Variants in DLG2 observed in about 807,000 individuals in gnomAD.
DLG2 encodes the protein disks large homolog 2.
In DLG2, 45 loss-of-function variants were observed where a neutral mutation model predicts 132.5. The ratio of observed to expected loss-of-function variants is 0.34; its 90% CI spans 0.27 to 0.44. The LOEUF (loss-of-function observed/expected upper bound fraction) is 0.44, where lower values mean the gene tolerates loss of function less well. Among genes scored for constraint, DLG2 ranks in the 20% least tolerant of loss-of-function variants. The pLI, the probability that DLG2 is intolerant of heterozygous loss-of-function variation, is 1.00. For synonymous variants in DLG2, 424 were observed against 419.6 expected, an observed-to-expected ratio of 1.01 and a Z score of -0.13; for missense variants, 1,045 against 1,196.9, an observed-to-expected ratio of 0.87 and a Z score of 1.87.
At chr11:84,483,712 T>C (rs1029727695) in intron 7 of DLG2, among the ~76,000 whole-genome samples, 5 of 152,166 alleles carry the variant, frequency 3.3e-5, no homozygotes, top group Non-Finnish European at 7.4e-5. Context: ...TACTTTTGAA[T>C]TGCAAAATGA....
intron 17 of DLG2, among the ~76,000 whole-genome samples, chr11:83,808,861 T>G (rs2046574234): frequency 6.6e-6 from 1 of 152,006 alleles, no homozygotes; most frequent in Admixed American, 6.6e-5. Context: ...TTCCTCCCAT[T>G]CTCCCCTGCA....
At chr11:84,324,284 C>T (rs766158207) in intron 7 of DLG2, among the ~76,000 whole-genome samples, 9 of 151,776 alleles carry the variant, frequency 5.9e-5, no homozygotes, top group Non-Finnish European at 8.8e-5. Flanking sequence ...ATTCTGTTTC[C>T]CAACATTATT....
chr11:84,121,002 T>C (rs1454710479), intron 9 of DLG2, among the ~76,000 whole-genome samples: 1 of 152,240 alleles, frequency 6.6e-6, no homozygotes, highest in East Asian at 1.9e-4. Context: ...TTGTCTTTAC[T>C]CTTGCTCATT....
chr11:85,343,854 T>C (rs552007833), intron 3 of DLG2, among the ~76,000 whole-genome samples: 6 of 152,326 alleles, frequency 3.9e-5, no homozygotes, highest in African/African-American at 1.4e-4. Context: ...GAGTGTTTTC[T>C]TGGCAAATGG....
chr11:85,196,005 C>T (rs890729783), intron 4 of DLG2, among the ~76,000 whole-genome samples: 3 of 152,004 alleles, frequency 2.0e-5, no homozygotes, highest in Admixed American at 6.6e-5. Flanking sequence ...TGTGGTAGAA[C>T]TTTCTTTAAA....
intron 6 of DLG2, among the ~76,000 whole-genome samples, chr11:84,671,250 C>T (rs1490059422): frequency 6.6e-6 from 1 of 152,068 alleles, no homozygotes; most frequent in African/African-American, 2.4e-5. Context: ...AGGTACATGC[C>T]ACCATGCCCG....
chr11:84,248,579 G>A (rs2097332754), intron 8 of DLG2, among the ~76,000 whole-genome samples: 1 of 152,156 alleles, frequency 6.6e-6, no homozygotes, highest in African/African-American at 2.4e-5. Context: ...GATTAGGCCA[G>A]GAATAGTGGC....
intron 5 of DLG2, among the ~76,000 whole-genome samples, chr11:85,133,921 T>G (rs1433317207): frequency 6.6e-6 from 1 of 151,980 alleles, no homozygotes; most frequent in Admixed American, 6.6e-5. Flanking sequence ...TGGATAATAA[T>G]ATACTTTTTT....
intron 15 of DLG2, among the ~76,000 whole-genome samples, chr11:83,913,763 C>G (rs1229464281): frequency 6.6e-6 from 1 of 152,030 alleles, no homozygotes; most frequent in African/African-American, 2.4e-5. Context: ...GCAAGGACCT[C>G]AAAGAAAGGG....
chr11:85,071,044 C>T (rs971846777), intron 6 of DLG2, among the ~76,000 whole-genome samples: 1 of 151,836 alleles, frequency 6.6e-6, no homozygotes, highest in Non-Finnish European at 1.5e-5. Flanking sequence ...CCTGATCTCT[C>T]TACGCCTCTG....
chr11:85,154,660 A>C lies in DLG2; in HGVS notation c.187-9T>G. On this transcript the variant is annotated splice_polypyrimidine_tract_variant and intron_variant, in intron 4 of 27. Transcript: ENST00000376104. ...CCACTGCAATCTGTAAGCTAAAATA[A>C]AAGTTTAAAAAATCAATACTCCTTT... 1 of 1,351,788 alleles carries C rather than the reference A, an allele frequency of 7.4e-7. No homozygotes were observed. The highest frequency in any genetic ancestry group is 1.0e-6 in the Non-Finnish European group (1 of 977,452). The allele number at this position is 1,351,788 out of a possible 1,614,324, so 83.7% of individuals were successfully genotyped here.
intron 7 of DLG2, among the ~76,000 whole-genome samples, chr11:84,272,534 T>C (rs771925355): frequency 1.3e-5 from 2 of 152,212 alleles, no homozygotes; most frequent in South Asian, 4.1e-4. Context: ...CTGATTCCTC[T>C]GGTTAAATAA....
At chr11:84,944,727 C>G (rs1192675310) in intron 6 of DLG2, among the ~76,000 whole-genome samples, 1 of 151,742 alleles carries the variant, frequency 6.6e-6, no homozygotes, top group Non-Finnish European at 1.5e-5. Context: ...TCCTCAGCCT[C>G]CTGAGTAGCT....
intron 2 of DLG2, among the ~76,000 whole-genome samples, chr11:85,603,619 T>G (rs1377962289): frequency 2.6e-5 from 4 of 152,092 alleles, no homozygotes; most frequent in African/African-American, 9.7e-5. Flanking sequence ...TTTATTCTTT[T>G]AAAGGGCAAT....
chr11:83,831,532 C>CAGAG (rs140071758), intron 17 of DLG2, among the ~76,000 whole-genome samples: 23 of 146,764 alleles, frequency 1.6e-4, no homozygotes, highest in African/African-American at 3.7e-4. Context: ...GTGTGTATGT[C>CAGAG]AGAGAGAGAG....
chr11:84,643,579 G>C (rs990119559), intron 6 of DLG2, among the ~76,000 whole-genome samples: 3 of 152,104 alleles, frequency 2.0e-5, no homozygotes, highest in African/African-American at 7.2e-5. Flanking sequence ...CTGGAAGGAT[G>C]GTTCTCTTAA....
At chr11:85,103,305 A>G (rs985867897) in intron 6 of DLG2, among the ~76,000 whole-genome samples, 2 of 151,956 alleles carry the variant, frequency 1.3e-5, no homozygotes, top group Admixed American at 6.6e-5. Flanking sequence ...AGCCAAAACA[A>G]TCTTGGAAAA....
chr11:84,734,582 G>A (rs1024796374), intron 6 of DLG2, among the ~76,000 whole-genome samples: 1 of 152,048 alleles, frequency 6.6e-6, no homozygotes, highest in Admixed American at 6.6e-5. Flanking sequence ...GTCATCTGCA[G>A]ACAGGGACAA....
At chr11:84,532,858 C>T (rs909190356) in intron 7 of DLG2, among the ~76,000 whole-genome samples, 1 of 152,050 alleles carries the variant, frequency 6.6e-6, no homozygotes, top group Non-Finnish European at 1.5e-5. Flanking sequence ...AATGTAAGTA[C>T]CTTCAATGCA....
Sources: gnomAD v4.1 joint callset for allele counts (sites outside exome capture counted in the v4.1 genomes callset) on GRCh38, gnomAD v4.1.1 for gene constraint, MANE v1.5 for transcripts, NCBI Gene and HGNC (gene_info 2026-07-23, HGNC 2026-07-21) for gene names.